The following ADAMTSL2 variants were observed in gnomAD, a reference collection of about 807,000 sequenced individuals.
The protein encoded by ADAMTSL2 is ADAMTS-like protein 2.
A neutral mutation model predicts 117.0 loss-of-function variants in ADAMTSL2; 55 were observed. The ratio of observed to expected loss-of-function variants is 0.47; its 90% confidence interval spans 0.38 to 0.59. ADAMTSL2 has a LOEUF of 0.59. Ranked by LOEUF, ADAMTSL2 falls within the 20% of genes least tolerant of loss-of-function variation. ADAMTSL2 has a pLI of 0.00. For synonymous variants in ADAMTSL2, 572 were observed against 566.4 expected (o/e 1.01, Z -0.14); for missense variants, 1,182 against 1,354.5 (o/e 0.87, Z 2.00).
rs900647535 is a variant in ADAMTSL2 at position 133,558,510 on chromosome 9, G to A, written c.1649+2580G>A. Among the ~76,000 whole-genome samples, 10 of 152,208 alleles carry A rather than the reference G, an allele frequency of 6.6e-5. No homozygotes were observed. Among genetic ancestry groups the A allele is most frequent in the South Asian group, 2.1e-4 (1 of 4,832 alleles). Reference sequence around the variant, plus strand: ...GAACAAGCTTCTGAGACACAGAGACGCGGAGTCCCTCTCCGCAGCCTTGGG... The same window carrying A: ...GAACAAGCTTCTGAGACACAGAGACACGGAGTCCCTCTCCGCAGCCTTGGG... On this transcript the variant is annotated intron_variant, in intron 11 of 18. Transcript: ENST00000651351. The surrounding 1 kb of genome is among the most constrained non-coding windows in gnomAD (Gnocchi z 4.3).
intron 8 of ADAMTSL2, among the ~76,000 whole-genome samples, chr9:133,546,333 G>A (rs1232485032): frequency 7.3e-4 from 21 of 28,692 alleles, no homozygotes; most frequent in African/African-American, 2.7e-3. Context: ...CCACCCACCC[G>A]GCCCCAGGAA....
intron 7 of ADAMTSL2, among the ~76,000 whole-genome samples, chr9:133,541,775 C>T (rs1481209508): frequency 2.6e-5 from 4 of 152,238 alleles, no homozygotes; most frequent in Admixed American, 1.3e-4. Flanking sequence ...AAGCTGCAGG[C>T]ATTTGGCCCG....
chr9:133,564,365 GGAGA>G (rs759793392), intron 12 of ADAMTSL2, among the ~76,000 whole-genome samples: 2 of 13,488 alleles, frequency 1.5e-4, no homozygotes, highest in East Asian at 1.4e-3. Context: ...AGAGAGAGAG[GGAGA>G]GAGAGGGAGA....
chr9:133,553,533 A>C lies in ADAMTSL2; in HGVS notation c.940-824A>C, dbSNP rs946394957. Among the ~76,000 whole-genome samples, 7 of 152,296 alleles carry C rather than the reference A, an allele frequency of 4.6e-5. No homozygotes were observed. The East Asian group carries it at 1.4e-3, about 29-fold the overall frequency. ...CAAACACTTGAGCTATTGCACCAAT[A>C]GTGCATTTCCTTTCGCTGGCATTCT... On this transcript the variant is annotated intron_variant, in intron 9 of 18. Coordinates refer to ENST00000651351, the MANE Select transcript of ADAMTSL2 (RefSeq NM_014694.4).
chr9:133,564,431 AGG>A (rs1830884942), intron 12 of ADAMTSL2, among the ~76,000 whole-genome samples: 1 of 50,406 alleles, frequency 2.0e-5, no homozygotes, highest in Non-Finnish European at 4.0e-5. Context: ...GGAGAGAGAG[AGG>A]GAGAGAGAGA....
chr9:133,551,974 C>T (rs890285230), intron 9 of ADAMTSL2, among the ~76,000 whole-genome samples: 8 of 152,016 alleles, frequency 5.3e-5, no homozygotes, highest in African/African-American at 1.7e-4. Context: ...GGATTACAGG[C>T]GCCCACCACC....
chr9:133,540,785 G>A (rs1312046262), intron 6 of ADAMTSL2, 42 bp downstream of exon 6: 6 of 1,613,472 alleles, frequency 3.7e-6, no homozygotes, highest in South Asian at 1.1e-5. Context: ...GTCTCACTGT[G>A]CTGACTGCCC....
intron 4 of ADAMTSL2, among the ~76,000 whole-genome samples, chr9:133,539,069 C>G (rs1371663855): frequency 6.6e-6 from 1 of 152,168 alleles, no homozygotes; most frequent in Non-Finnish European, 1.5e-5. Flanking sequence ...AGCTGGGGGT[C>G]TCTGTGTCTG....
At chr9:133,537,373 C>T (rs1055410885) in intron 2 of ADAMTSL2, 32 bp from the exon 3 acceptor site, 14 of 1,332,746 alleles carry the variant, frequency 1.1e-5, no homozygotes, top group Non-Finnish European at 1.4e-5. Flanking sequence ...GGCACTTGAG[C>T]CCTCTACCAT....
intron 5 of ADAMTSL2, among the ~76,000 whole-genome samples, chr9:133,540,206 G>A (rs533350734): frequency 4.6e-5 from 7 of 152,324 alleles, no homozygotes; most frequent in South Asian, 4.1e-4. Flanking sequence ...CTGCCCACAC[G>A]GTCCCATGGA....
In ADAMTSL2 at chr9:133,547,165, C is replaced by A; in HGVS notation, c.891C>A (p.Ile297=). 1 of 1,614,148 alleles carries A rather than the reference C, an allele frequency of 6.2e-7. No individual in the cohort carries two copies. The highest frequency in any genetic ancestry group is 8.5e-7 in the Non-Finnish European group (1 of 1,180,014). ...CCATGGATGTCTATGAGACCGGAAT[C>A]GAGTACATCGTGGCACAGGGGCCCA... ...RRPMDVYETG[I]EYIVAQGPTN... is the part of the protein sequence containing the mutation. Residue 297 remains isoleucine (I), a synonymous_variant, in exon 9 of 19, where the codon ATC becomes ATA. Coordinates refer to ENST00000651351, the MANE Select transcript of ADAMTSL2 (RefSeq NM_014694.4).
At chr9:133,571,269 A>G (rs2131186748) in intron 17 of ADAMTSL2, among the ~76,000 whole-genome samples, 1 of 152,244 alleles carries the variant, frequency 6.6e-6, no homozygotes, top group Middle Eastern at 3.4e-3. Flanking sequence ...TCGGGGTCCC[A>G]CAGTTACTGG....
intron 7 of ADAMTSL2, among the ~76,000 whole-genome samples, chr9:133,543,466 G>A (rs1185588901): frequency 6.6e-6 from 1 of 152,246 alleles, no homozygotes; most frequent in Admixed American, 6.5e-5. Context: ...ACGGAAATTG[G>A]CCAATGCTAC....
rs1293560165 is a variant in ADAMTSL2 at position 133,562,509 on chromosome 9, T to C, written c.1747+1214T>C. Among the ~76,000 whole-genome samples the C allele has an allele frequency of 6.9e-4, 91 of 131,508 alleles. 1 individual carries two copies. Among genetic ancestry groups the C allele is most frequent in the African/African-American group, 2.5e-3 (86 of 34,122 alleles). The allele number at this position is 131,508 out of a possible 152,430, so 86.3% of individuals were successfully genotyped here. ...CGGCTCGGCCAGGCTCGCACCGCCG[T>C]GGGCGGCGTGGCGGGCACCCGGCTG... On this transcript the variant is annotated intron_variant, in intron 12 of 18. Coordinates refer to ENST00000651351, the MANE Select transcript of ADAMTSL2 (RefSeq NM_014694.4).
Position 133,540,994 on chromosome 9 carries a change from C to T in ADAMTSL2, c.675C>T (p.Ala225=), listed in dbSNP as rs377272024. 3 of 1,613,116 alleles carry T rather than the reference C, an allele frequency of 1.9e-6. No individual in the cohort carries two copies. The highest frequency in any genetic ancestry group is 2.5e-6 in the Non-Finnish European group (3 of 1,179,978). The part of the protein sequence containing the change: ...HVTGNYRKGN[A]HLGYSLVTHI... ...CGGGCAACTATCGCAAGGGGAATGC[C>T]CACCTTGGTAAGCCACAGCGCGCCC... The change falls in exon 7 of 19, where the codon GCC becomes GCT. Residue 225 remains alanine, a synonymous_variant. Coordinates refer to ENST00000651351, the MANE Select transcript of ADAMTSL2 (RefSeq NM_014694.4).
chr9:133,548,361 A>G (rs1236111999), intron 9 of ADAMTSL2, among the ~76,000 whole-genome samples: 1 of 152,206 alleles, frequency 6.6e-6, no homozygotes, highest in African/African-American at 2.4e-5. Context: ...AATGGGGGCC[A>G]CGCATCTCTG....
At position 133,534,780 on chromosome 9, in the gene ADAMTSL2, G is replaced by A; in HGVS notation, c.-288G>A. On this transcript the variant is annotated 5_prime_UTR_variant, in exon 1 of 19. Coordinates refer to ENST00000651351, the MANE Select transcript of ADAMTSL2 (RefSeq NM_014694.4). Reference sequence around the variant, plus strand: ...GGGAGAGGGAGGCGGCGCGGGGGAGGAGGGGAAGGGGAGAGGGAGGCCGGG... The same window carrying A: ...GGGAGAGGGAGGCGGCGCGGGGGAGAAGGGGAAGGGGAGAGGGAGGCCGGG... The A allele has an allele frequency of 2.7e-6, 4 of 1,475,232 alleles. No homozygotes were observed. Among genetic ancestry groups the A allele is most frequent in the Non-Finnish European group, 3.6e-6 (4 of 1,107,858 alleles). The allele number at this position is 1,475,232 out of a possible 1,614,324, so 91.4% of individuals were successfully genotyped here.
intron 7 of ADAMTSL2, among the ~76,000 whole-genome samples, chr9:133,543,924 G>T (rs571208746): frequency 1.3e-5 from 2 of 152,346 alleles, no homozygotes; most frequent in East Asian, 3.9e-4. Context: ...TGAGCTGGCT[G>T]ATATTGCCCG....
Position 133,540,662 on chromosome 9 carries a change from G to A in ADAMTSL2, c.477G>A (p.Arg159=). 2 of 1,613,760 alleles carry A rather than the reference G, an allele frequency of 1.2e-6. No homozygotes were observed. The highest frequency in any genetic ancestry group is 1.7e-6 in the Non-Finnish European group (2 of 1,180,044). Residue 159 remains arginine (R), a synonymous_variant, in exon 6 of 19, where the codon CGG becomes CGA. Transcript: ENST00000651351. ...DLHCTTVDGQ[R]QLMVPARDGT... ...ACTGTACCACCGTGGACGGCCAGCG[G>A]CAGCTCATGGTCCCCGCCCGCGACG...
Sources: allele counts gnomAD v4.1 joint callset (sites outside exome capture counted in the v4.1 genomes callset), GRCh38; gene constraint gnomAD v4.1.1; non-coding constraint Gnocchi (gnomAD v3.1); transcripts MANE v1.5; gene names NCBI Gene and HGNC (gene_info 2026-07-23, HGNC 2026-07-21).